Variants in EYS observed in about 807,000 individuals in gnomAD.
EYS encodes EGF-like photoreceptor maintenance factor.
Under a neutral mutation model 282.1 loss-of-function variants are expected in EYS, and 250 were observed. That is an observed-to-expected ratio of 0.89 (90% CI 0.80 to 0.98). EYS has a LOEUF of 0.98. Ranked by LOEUF, EYS falls within the 50% of genes least tolerant of loss-of-function variation. EYS has a pLI of 0.00. For missense variants in EYS, 4,016 were observed against 3,709.0 expected (o/e 1.08, Z -2.15); for synonymous variants, 1,355 against 1,282.9 (o/e 1.06, Z -1.20).
chr6:64,308,257 AATG>A (rs1254071931), intron 29 of EYS, among the ~76,000 whole-genome samples: 1 of 152,104 alleles, frequency 6.6e-6, no homozygotes, highest in Non-Finnish European at 1.5e-5. Flanking sequence ...GTTGGGGAAA[AATG>A]ATAACAAAAA....
chr6:64,558,384 G>C (rs932172633), intron 26 of EYS, among the ~76,000 whole-genome samples: 2 of 152,018 alleles, frequency 1.3e-5, no homozygotes, highest in African/African-American at 4.8e-5. Flanking sequence ...CTGGCATCTA[G>C]AGCAAAAGGT....
chr6:64,076,320 A>G (rs939799362), intron 32 of EYS, among the ~76,000 whole-genome samples: 1 of 151,998 alleles, frequency 6.6e-6, no homozygotes, highest in Non-Finnish European at 1.5e-5. Context: ...AAACTTAAGA[A>G]CTATTCTAGC....
intron 2 of EYS, among the ~76,000 whole-genome samples, chr6:65,551,781 TCC>T (rs1205286807): frequency 3.1e-3 from 6 of 1,918 alleles, no homozygotes; most frequent in African/African-American, 0.01. Context: ...GGACTTCATG[TCC>T]AAAACACCAA....
chr6:65,107,694 G>T lies in EYS; in HGVS notation c.2024-49967C>A, dbSNP rs557635985. 4.0e-5 allele frequency among the ~76,000 whole-genome samples: 6 copies of T among 150,788 alleles called. No individual in the cohort carries two copies. In the South Asian group the frequency reaches 6.3e-4, roughly 16 times the overall value. The stretch of plus-strand genomic sequence containing the variant: ...AGTGGGTGTTTTTTTTTGTTTGTTT[G>T]GTTTTGTTTTGTTTTCAATATTCTG... On this transcript the variant is annotated intron_variant, in intron 12 of 42. Coordinates refer to ENST00000503581, the MANE Select transcript of EYS (RefSeq NM_001142800.2).
intron 12 of EYS, among the ~76,000 whole-genome samples, chr6:65,172,156 T>G (rs1765119603): frequency 6.6e-6 from 1 of 151,078 alleles, no homozygotes; most frequent in African/African-American, 2.4e-5. Context: ...ACAATTAAGT[T>G]GATAATTTAT....
At chr6:64,599,483 A>G (rs1242581692) in intron 24 of EYS, among the ~76,000 whole-genome samples, 1 of 152,206 alleles carries the variant, frequency 6.6e-6, no homozygotes, top group Admixed American at 6.5e-5. Context: ...AGAAATAAAA[A>G]TTAAAGAAGA....
rs537779371 is a variant in EYS at position 65,054,979 on chromosome 6, G to A, written c.2137+2635C>T. ...TGGTTTTAGGTTTTCTTTTGTTACT[G>A]TTTTTTATTTGTTTATTGTATAAAT... On this transcript the variant is annotated intron_variant, in intron 13 of 42. Transcript: ENST00000503581. Among the ~76,000 whole-genome samples the A allele has an allele frequency of 4.6e-5, 7 of 151,794 alleles. No homozygotes were observed. The South Asian group carries it at 1.5e-3, about 32-fold the overall frequency.
chr6:65,049,018 TG>T (rs1167417116), intron 13 of EYS, among the ~76,000 whole-genome samples: 2 of 151,886 alleles, frequency 1.3e-5, no homozygotes, highest in Non-Finnish European at 2.9e-5. Flanking sequence ...CCACATGAGA[TG>T]ATAGATGTGT....
At position 65,384,348 on chromosome 6, in the gene EYS, A is replaced by G. The variant is rs1765722533; in HGVS notation, c.1299+38T>C. The G allele has an allele frequency of 6.9e-6, 8 of 1,154,562 alleles. No homozygotes were observed. In the Middle Eastern group the frequency reaches 5.8e-4, roughly 84 times the overall value. 71.5% of individuals were successfully genotyped at this position (1,154,562 alleles called of 1,614,324 possible). A position where few individuals can be genotyped will look rare whatever the true frequency, so the allele number is the denominator to read the frequency against. On this transcript the variant is annotated intron_variant, in intron 8 of 42. Coordinates refer to ENST00000503581, the MANE Select transcript of EYS (RefSeq NM_001142800.2). ...GACTAACTGAGTCTATTGTATTTTGAAGGGCTAACTTATGTTGCCATGTAT... is the reference window on the plus strand; with the variant it reads ...GACTAACTGAGTCTATTGTATTTTGGAGGGCTAACTTATGTTGCCATGTAT...
At chr6:64,621,556 A>T (rs1767447211) in intron 23 of EYS, among the ~76,000 whole-genome samples, 1 of 152,150 alleles carries the variant, frequency 6.6e-6, no homozygotes, top group Non-Finnish European at 1.5e-5. Context: ...TTTACTTTTC[A>T]TGGATCTTGA....
At chr6:64,656,510 G>A (rs1010455441) in intron 22 of EYS, among the ~76,000 whole-genome samples, 15 of 152,068 alleles carry the variant, frequency 9.9e-5, no homozygotes, top group African/African-American at 3.6e-4. Flanking sequence ...AGTTTTTTAG[G>A]AGATATAAAA....
chr6:65,145,767 TATA>T (rs1764461477), intron 12 of EYS, among the ~76,000 whole-genome samples: 1 of 151,990 alleles, frequency 6.6e-6, no homozygotes, highest in Non-Finnish European at 1.5e-5. Context: ...TTCAAATTTA[TATA>T]ATAGGAGTTT....
chr6:65,087,026 T>C (rs903120896), intron 12 of EYS, among the ~76,000 whole-genome samples: 3 of 152,124 alleles, frequency 2.0e-5, no homozygotes, highest in African/African-American at 7.2e-5. Flanking sequence ...TTTCACCATG[T>C]TGGCCAGAAC....
chr6:64,719,272 C>T (rs896224979), intron 22 of EYS, among the ~76,000 whole-genome samples: 1 of 152,062 alleles, frequency 6.6e-6, no homozygotes, highest in African/African-American at 2.4e-5. Context: ...AATGGAGAAG[C>T]AAAACAAGTC....
At chr6:65,095,253 C>T (rs1174322449) in intron 12 of EYS, among the ~76,000 whole-genome samples, 3 of 150,802 alleles carry the variant, frequency 2.0e-5, no homozygotes, top group African/African-American at 7.3e-5. Flanking sequence ...TACCAGAGGC[C>T]GTAGTATTGG....
At chr6:64,014,242 G>A (rs1160682751) in intron 33 of EYS, among the ~76,000 whole-genome samples, 1 of 151,820 alleles carries the variant, frequency 6.6e-6, no homozygotes, top group Non-Finnish European at 1.5e-5. Flanking sequence ...ATATTGGTAG[G>A]TGGAGATTCA....
chr6:64,756,907 T>C (rs1772955723), intron 22 of EYS, among the ~76,000 whole-genome samples: 2 of 150,852 alleles, frequency 1.3e-5, no homozygotes, highest in Admixed American at 1.3e-4. Flanking sequence ...TTTTAACAGA[T>C]GTGATACTCC....
rs545802398 is a variant in EYS at position 65,140,954 on chromosome 6, A to G, written c.2024-83227T>C. ...TGTGGCGATTCCTCAGGGATCTAGA[A>G]CTAGAAATACCATTTGACCCAGCCA... On this transcript the variant is annotated intron_variant, in intron 12 of 42. Transcript: ENST00000503581. Among the ~76,000 whole-genome samples the G allele has an allele frequency of 3.6e-3, 544 of 151,374 alleles. 4 individuals carry two copies. The highest frequency in any genetic ancestry group is 0.013 in the African/African-American group (524 of 41,096).
intron 22 of EYS, among the ~76,000 whole-genome samples, chr6:64,724,420 G>C (rs1314656950): frequency 6.6e-6 from 1 of 152,192 alleles, no homozygotes; most frequent in African/African-American, 2.4e-5. Flanking sequence ...TAAGCAAAAA[G>C]TCCATGGTGC....
Sources: gnomAD v4.1 joint callset for allele counts (sites outside exome capture counted in the v4.1 genomes callset) on GRCh38, gnomAD v4.1.1 for gene constraint, MANE v1.5 for transcripts, NCBI Gene and HGNC (gene_info 2026-07-23, HGNC 2026-07-21) for gene names.